Variants in SLC5A8 observed in about 807,000 individuals in gnomAD.
The protein encoded by SLC5A8 is solute carrier family 5 member 8.
In SLC5A8, 55 loss-of-function variants were observed where a neutral mutation model predicts 71.9. The ratio of observed to expected loss-of-function variants is 0.77; its 90% CI spans 0.62 to 0.96. SLC5A8 has a LOEUF of 0.96. Among genes scored for constraint, SLC5A8 ranks in the 40% least tolerant of loss-of-function variants. SLC5A8 has a pLI of 0.00. For synonymous variants in SLC5A8, 307 were observed against 276.1 expected (o/e 1.11, Z -1.11); for missense variants, 701 against 745.3 (o/e 0.94, Z 0.69).
chr12:101,199,114 G>A (rs1186438583), intron 3 of SLC5A8, among the ~76,000 whole-genome samples: 1 of 151,640 alleles, frequency 6.6e-6, no homozygotes, highest in Non-Finnish European at 1.5e-5. Flanking sequence ...CACTTGCAAC[G>A]AATAATTGAA....
In SLC5A8 at chr12:101,195,145, A is replaced by G. The variant is rs1181726400; in HGVS notation, c.487T>C (p.Trp163Arg). 2 of 1,613,978 alleles carry G rather than the reference A, an allele frequency of 1.2e-6. No individual in the cohort carries two copies. The highest frequency in any genetic ancestry group is 1.7e-6 in the Non-Finnish European group (2 of 1,180,006). Residue 163 changes from tryptophan to arginine, a missense_variant, in exon 4 of 15, where the codon TGG (tryptophan) becomes CGG (arginine). Transcript: ENST00000536262. Reference protein sequence around the residue: ...ALNQVTGFDLWGAVVATGVVC... With the variant: ...ALNQVTGFDLRGAVVATGVVC... ...ACCCCCGTTGCCACTACCGCGCCCC[A>G]CAGATCAAATCCTGTGACTGTAGAA...
intron 10 of SLC5A8, among the ~76,000 whole-genome samples, chr12:101,170,843 C>T (rs1220565205): frequency 6.6e-6 from 1 of 152,212 alleles, no homozygotes. Context: ...AAAGCCACCT[C>T]CTCCATGATG....
chr12:101,161,391 T>C (rs1013768833), intron 13 of SLC5A8, among the ~76,000 whole-genome samples: 3 of 152,100 alleles, frequency 2.0e-5, no homozygotes, highest in African/African-American at 7.2e-5. Context: ...AAGATAACCG[T>C]TCTATAGCAA....
chr12:101,172,800 A>C (rs1017315125), intron 10 of SLC5A8, among the ~76,000 whole-genome samples: 17 of 152,104 alleles, frequency 1.1e-4, no homozygotes, highest in Non-Finnish European at 1.9e-4. Flanking sequence ...AGCTCAATTA[A>C]CTTCAGGGAC....
chr12:101,162,868 C>G (rs2051736938), intron 12 of SLC5A8, among the ~76,000 whole-genome samples: 1 of 152,068 alleles, frequency 6.6e-6, no homozygotes, highest in Non-Finnish European at 1.5e-5. Flanking sequence ...AGTTTATACT[C>G]TAATGGAGAG....
intron 6 of SLC5A8, among the ~76,000 whole-genome samples, chr12:101,188,505 G>A (rs1380163314): frequency 6.6e-6 from 1 of 152,144 alleles, no homozygotes; most frequent in African/African-American, 2.4e-5. Context: ...TGGATTCAGA[G>A]GTTTAAAGGC....
intron 10 of SLC5A8, among the ~76,000 whole-genome samples, chr12:101,169,350 T>C (rs1461144287): frequency 6.6e-6 from 1 of 152,132 alleles, no homozygotes; most frequent in African/African-American, 2.4e-5. Flanking sequence ...CCATAGCTGA[T>C]ATATGGAAAA....
chr12:101,176,044 A>G (rs898829557), intron 10 of SLC5A8, among the ~76,000 whole-genome samples: 3 of 152,118 alleles, frequency 2.0e-5, no homozygotes, highest in African/African-American at 7.2e-5. Flanking sequence ...ACCAATGAAA[A>G]GACAGAGATT....
In SLC5A8 at chr12:101,193,624, C is replaced by A. The variant is rs1290441062; in HGVS notation, c.692+1G>T. On this transcript the variant is annotated splice_donor_variant, in intron 5 of 14. Transcript: ENST00000536262. LOFTEE classifies it high-confidence loss of function. ...CAGTTACCCAAGTACTAGACACTTA[C>A]TTCCAGAAATTTAATCTTCCACCAT... The A allele has an allele frequency of 6.2e-7, 1 of 1,612,732 alleles. No homozygotes were observed. Among genetic ancestry groups the A allele is most frequent in the African/African-American group, 1.3e-5 (1 of 74,970 alleles).
At chr12:101,168,020 C>A (rs368017304) in intron 11 of SLC5A8, 76 bp downstream of exon 11, 2 of 1,352,026 alleles carry the variant, frequency 1.5e-6, no homozygotes, top group Non-Finnish European at 2.0e-6. Flanking sequence ...TCAAAGGAAC[C>A]AACTGAGAAA....
At chr12:101,186,359 G>A (rs546960958) in intron 7 of SLC5A8, among the ~76,000 whole-genome samples, 126 of 152,002 alleles carry the variant, frequency 8.3e-4, no homozygotes, top group African/African-American at 2.9e-3. Context: ...TTATTTTCTC[G>A]GCCCACCAAG....
chr12:101,168,303 A>G, intron 10 of SLC5A8, 121 bp from the exon 11 acceptor site: 1 of 890,548 alleles, frequency 1.1e-6, no homozygotes, highest in Non-Finnish European at 1.7e-6. Flanking sequence ...TCATAGTTTC[A>G]GTCATGATAG....
chr12:101,162,578 A>G (rs143213502), intron 12 of SLC5A8, among the ~76,000 whole-genome samples: 143 of 152,340 alleles, frequency 9.4e-4, no homozygotes, highest in African/African-American at 3.1e-3. Context: ...AAAGAACAAA[A>G]TCATGTCCTT....
chr12:101,189,546 T>C (rs1868809609), intron 6 of SLC5A8, among the ~76,000 whole-genome samples: 1 of 151,968 alleles, frequency 6.6e-6, no homozygotes, highest in South Asian at 2.1e-4. Flanking sequence ...GTCAGCAGAG[T>C]CAGCCTATTT....
intron 5 of SLC5A8, among the ~76,000 whole-genome samples, chr12:101,192,525 T>C (rs554024794): frequency 7.4e-4 from 113 of 152,342 alleles, no homozygotes; most frequent in Non-Finnish European, 1.5e-3. Context: ...GACAACACTA[T>C]TGATCCAAAA....
intron 3 of SLC5A8, among the ~76,000 whole-genome samples, chr12:101,197,080 A>G (rs1869212243): frequency 6.6e-6 from 1 of 152,224 alleles, no homozygotes. Flanking sequence ...CTTTAAATCC[A>G]TGAGTTCGTA....
chr12:101,184,339 A>G, intron 7 of SLC5A8, 117 bp from the exon 8 acceptor site: 2 of 823,178 alleles, frequency 2.4e-6, no homozygotes, highest in Non-Finnish European at 3.9e-6. Flanking sequence ...TTCCACACAA[A>G]TGAAATTTTC....
At chr12:101,174,633 G>T (rs1330146643) in intron 10 of SLC5A8, among the ~76,000 whole-genome samples, 1 of 152,156 alleles carries the variant, frequency 6.6e-6, no homozygotes, top group East Asian at 1.9e-4. Flanking sequence ...CTGAGCCAGG[G>T]TTGTAAATTC....
intron 2 of SLC5A8, among the ~76,000 whole-genome samples, chr12:101,203,379 G>T (rs1278538060): frequency 6.7e-6 from 1 of 150,230 alleles, no homozygotes; most frequent in Non-Finnish European, 1.5e-5. Flanking sequence ...ACAGAGTCTT[G>T]CCCTGTCACC....
Sources: gnomAD v4.1 joint callset for allele counts (sites outside exome capture counted in the v4.1 genomes callset) on GRCh38, gnomAD v4.1.1 for gene constraint, MANE v1.5 for transcripts, NCBI Gene and HGNC (gene_info 2026-07-23, HGNC 2026-07-21) for gene names.